ZNF454: variants seen among roughly 807,000 people sequenced by gnomAD.
ZNF454 encodes zinc finger protein 454.
In ZNF454, 30 loss-of-function variants were observed where a neutral mutation model predicts 48.2. The ratio of observed to expected loss-of-function variants is 0.62; its 90% CI spans 0.47 to 0.84. The LOEUF (loss-of-function observed/expected upper bound fraction) is 0.84. ZNF454 is among the 40% of genes least tolerant of loss of function. The pLI, the probability that ZNF454 is intolerant of heterozygous loss-of-function variation, is 0.00. For missense variants in ZNF454, 510 were observed against 623.1 expected (o/e 0.82, Z 1.93); for synonymous variants, 204 against 211.4 (o/e 0.97, Z 0.30).
chr5:178,957,571 A>G (rs945073846), intron 4 of ZNF454, among the ~76,000 whole-genome samples: 1 of 151,694 alleles, frequency 6.6e-6, no homozygotes, highest in African/African-American at 2.4e-5. Context: ...CACCACGTCC[A>G]GCTAATTTTT....
chr5:178,942,964 C>A, intron 2 of ZNF454, 140 bp downstream of exon 2: 3 of 856,600 alleles, frequency 3.5e-6, no homozygotes, highest in East Asian at 2.7e-5. Flanking sequence ...AACCAACACC[C>A]TCCAACCCCG....
chr5:178,957,163 T>A (rs1036383153), intron 4 of ZNF454, among the ~76,000 whole-genome samples: 8 of 151,890 alleles, frequency 5.3e-5, no homozygotes, highest in Non-Finnish European at 1.0e-4. Flanking sequence ...ATTACAGGCG[T>A]GAGCCACCGC....
At chr5:178,962,063 A>G (rs760673554) in intron 4 of ZNF454, among the ~76,000 whole-genome samples, 4 of 151,608 alleles carry the variant, frequency 2.6e-5, no homozygotes, top group Non-Finnish European at 4.4e-5. Context: ...TTTAATGTAG[A>G]TCTGCTGGTG....
intron 4 of ZNF454, among the ~76,000 whole-genome samples, chr5:178,960,674 T>G (rs1759979294): frequency 6.6e-6 from 1 of 151,786 alleles, no homozygotes; most frequent in African/African-American, 2.4e-5. Context: ...CTTTATACAT[T>G]TTTAAAGTTA....
Position 178,966,074 on chromosome 5 carries a change from G to T in ZNF454, c.*101G>T. ...GAATAACTATGAAAGCTTGCATCAA[G>T]ATAGTCACTTTATTTACTGAGGGTC... On this transcript the variant is annotated 3_prime_UTR_variant, in exon 5 of 5. Transcript: ENST00000519564. 1 of 1,081,124 alleles carries T rather than the reference G, an allele frequency of 9.2e-7. No homozygotes were observed. Among genetic ancestry groups the T allele is most frequent in the Non-Finnish European group, 1.3e-6 (1 of 755,358 alleles). The allele number at this position is 1,081,124 out of a possible 1,614,324, so 67.0% of individuals were successfully genotyped here.
the ZNF454 span, among the ~76,000 whole-genome samples, chr5:178,974,435 C>T: frequency 2.0e-5 from 3 of 152,274 alleles, no homozygotes; most frequent in East Asian, 5.8e-4. Flanking sequence ...TCTCCTGCCT[C>T]AGCCTGCTGA....
At chr5:178,987,695 G>A in the ZNF454 span, among the ~76,000 whole-genome samples, 1 of 152,104 alleles carries the variant, frequency 6.6e-6, no homozygotes, top group Non-Finnish European at 1.5e-5. Context: ...ACAGAGTTAT[G>A]GTTTCATAGA....
chr5:178,966,189 C>T lies in ZNF454; in HGVS notation c.*216C>T. 1 of 430,044 alleles carries T rather than the reference C, an allele frequency of 2.3e-6. No homozygotes were observed. 26.6% of individuals were successfully genotyped at this position (430,044 alleles called of 1,614,324 possible). ...CTCACGTCTGTAATCTTTGGGAGCA[C>T]TTTGGGAGGCCGAGGTGGGCGGATC... On this transcript the variant is annotated 3_prime_UTR_variant, in exon 5 of 5. Transcript: ENST00000519564.
At chr5:178,962,599 T>G (rs1178041127) in intron 4 of ZNF454, among the ~76,000 whole-genome samples, 4 of 151,840 alleles carry the variant, frequency 2.6e-5, no homozygotes, top group Non-Finnish European at 5.9e-5. Flanking sequence ...AATTCTTTGT[T>G]GTAATTCTCA....
chr5:178,989,875 TGA>T, the ZNF454 span: 1 of 252,870 alleles, frequency 4.0e-6, no homozygotes, highest in South Asian at 5.3e-5. Context: ...CCCAGGGCTT[TGA>T]GAGCGCATTC....
chr5:178,959,139 A>C (rs1331925343), intron 4 of ZNF454, among the ~76,000 whole-genome samples: 1 of 152,010 alleles, frequency 6.6e-6, no homozygotes, highest in Admixed American at 6.6e-5. Context: ...TAAATACTTG[A>C]GTCTACAGTC....
rs2046374590 is a variant in ZNF454, at chr5:178,952,768, ATGT to A, written c.250+5786_250+5788del. 2.6e-5 allele frequency among the ~76,000 whole-genome samples: 4 copies of A among 152,070 alleles called. 1 individual carries two copies. The highest frequency in any genetic ancestry group is 4.4e-5 in the Non-Finnish European group (3 of 68,004). On this transcript the variant is annotated intron_variant, in intron 4 of 4. Coordinates refer to ENST00000519564, the MANE Select transcript of ZNF454 (RefSeq NM_001178089.3). ...ACCTTTTTCTTTTTTTTCTGTGTAA[ATGT>A]TGTCAAAAGTTTGTCTTTTATTAGA...
chr5:178,989,582 G>C, the ZNF454 span, among the ~76,000 whole-genome samples: 9 of 151,844 alleles, frequency 5.9e-5, no homozygotes, highest in African/African-American at 2.2e-4. Context: ...GGCGTGGCCA[G>C]GTGAGCTAGG....
chr5:178,980,150 C>G, the ZNF454 span: 1 of 154,474 alleles, frequency 6.5e-6, no homozygotes, highest in Non-Finnish European at 1.5e-5. The surrounding 1 kb of genome is among the most constrained non-coding windows in gnomAD (Gnocchi z 4.3). Context: ...ACCAGAGAAG[C>G]TGCATGGGAA....
chr5:178,959,056 G>A (rs765337290), intron 4 of ZNF454, among the ~76,000 whole-genome samples: 1 of 150,244 alleles, frequency 6.7e-6, no homozygotes, highest in African/African-American at 2.4e-5. Context: ...GTTAACGCTT[G>A]TTGTGTTCTA....
At chr5:178,956,538 AG>A (rs1373612198) in intron 4 of ZNF454, among the ~76,000 whole-genome samples, 3 of 150,360 alleles carry the variant, frequency 2.0e-5, no homozygotes, top group African/African-American at 7.4e-5. Flanking sequence ...AAAAAAAAAA[AG>A]CCTCAAGTCT....
intron 4 of ZNF454, among the ~76,000 whole-genome samples, chr5:178,948,566 C>T (rs1759427821): frequency 1.3e-5 from 2 of 152,082 alleles, no homozygotes; most frequent in South Asian, 4.1e-4. Context: ...TGGGTGATGA[C>T]ATGAAGGTAC....
chr5:178,973,748 C>A, the ZNF454 span, among the ~76,000 whole-genome samples: 2 of 149,998 alleles, frequency 1.3e-5, no homozygotes, highest in Admixed American at 1.3e-4. Context: ...GAGGCTGAGG[C>A]AGGAGAATGG....
At chr5:178,984,923 C>T in the ZNF454 span, among the ~76,000 whole-genome samples, 1 of 152,164 alleles carries the variant, frequency 6.6e-6, no homozygotes, top group African/African-American at 2.4e-5. Context: ...AGGTCACCCT[C>T]CCCAAGCCAT....
Sources: allele counts gnomAD v4.1 joint callset (sites outside exome capture counted in the v4.1 genomes callset), GRCh38; gene constraint gnomAD v4.1.1; non-coding constraint Gnocchi (gnomAD v3.1); transcripts MANE v1.5; gene names NCBI Gene and HGNC (gene_info 2026-07-23, HGNC 2026-07-21).